GRIP1: variants seen among roughly 807,000 people sequenced by gnomAD.
GRIP1 encodes glutamate receptor-interacting protein 1.
Under a neutral mutation model 129.9 loss-of-function variants are expected in GRIP1, and 45 were observed. That is an observed-to-expected ratio of 0.35 (90% confidence interval 0.27 to 0.44). The LOEUF is 0.44. Among genes scored for constraint, GRIP1 ranks in the 20% least tolerant of loss-of-function variants. GRIP1 has a pLI of 1.00. For missense variants in GRIP1, 1,196 were observed against 1,396.8 expected, an observed-to-expected ratio of 0.86 and a Z score of 2.29; for synonymous variants, 530 against 520.8, an observed-to-expected ratio of 1.02 and a Z score of -0.24.
chr12:66,894,842 T>C (rs2040718697), intron 1 of GRIP1, among the ~76,000 whole-genome samples: 1 of 152,206 alleles, frequency 6.6e-6, no homozygotes, highest in African/African-American at 2.4e-5. Context: ...ATAATCTTTG[T>C]GGACATGCTG....
At chr12:66,837,340 T>G (rs753102572) in intron 1 of GRIP1, among the ~76,000 whole-genome samples, 5 of 152,170 alleles carry the variant, frequency 3.3e-5, no homozygotes, top group African/African-American at 1.2e-4. Flanking sequence ...GACAGAACAA[T>G]GAAGCAACTG....
intron 15 of GRIP1, among the ~76,000 whole-genome samples, chr12:66,413,817 T>G (rs1224516259): frequency 6.6e-6 from 1 of 152,066 alleles, no homozygotes; most frequent in East Asian, 1.9e-4. Flanking sequence ...TAAATGTGAT[T>G]CATTATATAA....
chr12:66,821,155 A>G (rs2039310183), intron 1 of GRIP1, among the ~76,000 whole-genome samples: 1 of 152,200 alleles, frequency 6.6e-6, no homozygotes, highest in African/African-American at 2.4e-5. Flanking sequence ...TTTGTTATGA[A>G]CCAAAGCTAC....
At chr12:66,485,165 G>A (rs964098907) in intron 7 of GRIP1, among the ~76,000 whole-genome samples, 3 of 152,142 alleles carry the variant, frequency 2.0e-5, no homozygotes, top group Non-Finnish European at 2.9e-5. Flanking sequence ...GAGAATTCCA[G>A]TTGCTCTATA....
At chr12:66,924,092 C>A (rs537667974) in intron 1 of GRIP1, among the ~76,000 whole-genome samples, 142 of 152,116 alleles carry the variant, frequency 9.3e-4, no homozygotes, top group Non-Finnish European at 1.7e-3. Context: ...TGATTCACCC[C>A]CCTCGGCCTC....
chr12:66,527,680 C>T (rs1419702537), intron 5 of GRIP1, among the ~76,000 whole-genome samples: 2 of 151,714 alleles, frequency 1.3e-5, no homozygotes, highest in East Asian at 1.9e-4. Flanking sequence ...ATAATAATAA[C>T]AAAATTAAAA....
intron 1 of GRIP1, among the ~76,000 whole-genome samples, chr12:66,950,121 T>C (rs2041733998): frequency 6.6e-6 from 1 of 152,130 alleles, no homozygotes; most frequent in South Asian, 2.1e-4. Flanking sequence ...TCTTTCTCTA[T>C]TCAGAACTCC....
chr12:66,858,604 T>C (rs916676546), intron 1 of GRIP1, among the ~76,000 whole-genome samples: 18 of 151,952 alleles, frequency 1.2e-4, no homozygotes, highest in African/African-American at 3.9e-4. Context: ...AAACTTTAAG[T>C]GGTCAAGAGT....
At chr12:66,988,948 AC>A (rs2042354850) in intron 1 of GRIP1, among the ~76,000 whole-genome samples, 2 of 152,196 alleles carry the variant, frequency 1.3e-5, no homozygotes, top group Admixed American at 1.3e-4. Context: ...GCTGATCATA[AC>A]TTACATCTAC....
chr12:66,633,337 G>A (rs2031028642), intron 1 of GRIP1, among the ~76,000 whole-genome samples: 1 of 148,568 alleles, frequency 6.7e-6, no homozygotes, highest in African/African-American at 2.5e-5. Flanking sequence ...ATATAGTAGA[G>A]ATGGGGTTTT....
At chr12:66,767,654 T>C (rs1363126980) in intron 1 of GRIP1, among the ~76,000 whole-genome samples, 1 of 151,644 alleles carries the variant, frequency 6.6e-6, no homozygotes, top group Non-Finnish European at 1.5e-5. Flanking sequence ...TGCCGTAGGC[T>C]GAAAAACTGC....
chr12:66,531,805 T>C (rs1037477785), intron 4 of GRIP1, among the ~76,000 whole-genome samples: 1 of 152,156 alleles, frequency 6.6e-6, no homozygotes, highest in African/African-American at 2.4e-5. Flanking sequence ...ATTTTTTTTT[T>C]GTTCTCTTGG....
chr12:66,627,999 AT>A (rs1266120007), intron 1 of GRIP1, among the ~76,000 whole-genome samples: 1 of 152,112 alleles, frequency 6.6e-6, no homozygotes, highest in African/African-American at 2.4e-5. Flanking sequence ...ATACTTGATC[AT>A]TTAGATCTAG....
intron 1 of GRIP1, among the ~76,000 whole-genome samples, chr12:67,038,991 T>C (rs78388302): frequency 4.0e-5 from 6 of 149,830 alleles, no homozygotes; most frequent in East Asian, 2.0e-4. Flanking sequence ...AATCCCTATA[T>C]GTAATAAGAA....
chr12:67,032,962 T>G (rs1459446616), intron 1 of GRIP1, among the ~76,000 whole-genome samples: 2 of 152,150 alleles, frequency 1.3e-5, no homozygotes, highest in Non-Finnish European at 1.5e-5. Flanking sequence ...ACATTATTTT[T>G]TCTTACTAGT....
At chr12:66,470,991 T>A (rs372268824) in intron 7 of GRIP1, among the ~76,000 whole-genome samples, 4 of 151,848 alleles carry the variant, frequency 2.6e-5, no homozygotes, top group African/African-American at 9.7e-5. Flanking sequence ...GTCGGGAGAG[T>A]AATACTTTTC....
chr12:66,493,152 T>G (rs2060149627), intron 7 of GRIP1, among the ~76,000 whole-genome samples: 1 of 152,146 alleles, frequency 6.6e-6, no homozygotes, highest in Non-Finnish European at 1.5e-5. Context: ...ACAAAACCCC[T>G]CTGGGATGGG....
intron 8 of GRIP1, among the ~76,000 whole-genome samples, chr12:66,463,765 A>G (rs890995559): frequency 2.0e-5 from 3 of 152,204 alleles, no homozygotes; most frequent in Non-Finnish European, 4.4e-5. Flanking sequence ...TAGCTGCTAC[A>G]TCTTGCTGAA....
At chr12:66,873,381 C>A (rs1241502910) in intron 1 of GRIP1, among the ~76,000 whole-genome samples, 1 of 152,024 alleles carries the variant, frequency 6.6e-6, no homozygotes, top group Non-Finnish European at 1.5e-5. Context: ...TAAAGTCTGC[C>A]ACAGTGATGC....
Sources: gnomAD v4.1 joint callset for allele counts (sites outside exome capture counted in the v4.1 genomes callset) on GRCh38, gnomAD v4.1.1 for gene constraint, MANE v1.5 for transcripts, NCBI Gene and HGNC (gene_info 2026-07-23, HGNC 2026-07-21) for gene names.